Variants in INPP5D observed in about 807,000 individuals in gnomAD.
INPP5D encodes inositol polyphosphate-5-phosphatase D.
INPP5D carries 33 observed loss-of-function variants against 122.9 expected under a neutral mutation model. The ratio of observed to expected loss-of-function variants is 0.27; its 90% CI spans 0.20 to 0.36. The LOEUF (loss-of-function observed/expected upper bound fraction) is 0.36. Ranked by LOEUF, INPP5D falls within the 10% of genes least tolerant of loss-of-function variation. The pLI, the probability that INPP5D is intolerant of heterozygous loss-of-function variation, is 1.00. For missense variants in INPP5D, 1,053 were observed against 1,412.7 expected (o/e 0.75, Z 4.08); for synonymous variants, 584 against 576.2 (o/e 1.01, Z -0.19).
chr2:233,068,585 A>C (rs1435593529), intron 1 of INPP5D, among the ~76,000 whole-genome samples: 1 of 150,990 alleles, frequency 6.6e-6, no homozygotes, highest in African/African-American at 2.5e-5. Context: ...ACAGAGCTAG[A>C]ATCCGTCTAA....
At chr2:233,171,333 T>C in intron 17 of INPP5D, 181 bp downstream of exon 17, 1 of 831,402 alleles carries the variant, frequency 1.2e-6, no homozygotes, top group Non-Finnish European at 1.8e-6. Flanking sequence ...TGTGCACTGC[T>C]TTGAGCTGGG....
In INPP5D at chr2:233,128,589, C is replaced by CG. The variant is rs1693231821; in HGVS notation, c.525-1918dup. ...ACCTCCTGGGTTCAAGCAATCCTCC[C>CG]GCCTCAGCCTCCTGAGTAGCTGGGA... On this transcript the variant is annotated intron_variant, in intron 4 of 26. Coordinates refer to ENST00000445964, the MANE Select transcript of INPP5D (RefSeq NM_001017915.3). This position sits in a 1 kb window ranked among gnomAD's most constrained non-coding sequence, Gnocchi z 4.5. Among the ~76,000 whole-genome samples the CG allele has an allele frequency of 6.6e-6, 1 of 152,078 alleles. No homozygotes were observed. Among genetic ancestry groups the CG allele is most frequent in the Non-Finnish European group, 1.5e-5 (1 of 67,998 alleles).
intron 2 of INPP5D, among the ~76,000 whole-genome samples, chr2:233,111,468 C>T (rs1479326691): frequency 6.6e-6 from 1 of 152,190 alleles, no homozygotes; most frequent in Non-Finnish European, 1.5e-5. Flanking sequence ...TAATTGGGCA[C>T]AGTTCCTTGC....
At chr2:233,118,974 A>G (rs1296146566) in intron 2 of INPP5D, among the ~76,000 whole-genome samples, 1 of 152,032 alleles carries the variant, frequency 6.6e-6, no homozygotes, top group Non-Finnish European at 1.5e-5. Flanking sequence ...CCGGGTCCAC[A>G]GGGACTCCTT....
rs546294517 is a variant in INPP5D at position 233,110,297 on chromosome 2, C to T, written c.199-11810C>T. On this transcript the variant is annotated intron_variant, in intron 2 of 26. Transcript: ENST00000445964. ...CTTGAACTCCTGGCCTCAAATGATTCACTGGCCTCGGCCTCCCAAAGTGCT... is the reference window on the plus strand; with the variant it reads ...CTTGAACTCCTGGCCTCAAATGATTTACTGGCCTCGGCCTCCCAAAGTGCT... 7.1e-4 allele frequency among the ~76,000 whole-genome samples: 108 copies of T among 152,144 alleles called. 1 individual carries two copies. Among genetic ancestry groups the T allele is most frequent in the Non-Finnish European group, 1.1e-3 (73 of 67,992 alleles).
At position 233,078,445 on chromosome 2, in the gene INPP5D, G is replaced by A. The variant is rs187781138; in HGVS notation, c.135-890G>A. Among the ~76,000 whole-genome samples the A allele has an allele frequency of 1.2e-3, 183 of 152,302 alleles. 1 individual carries two copies. The highest frequency in any genetic ancestry group is 2.1e-3 in the Non-Finnish European group (142 of 68,014). ...AGCTGCTGGGGCAAATCCAGGTCTC[G>A]GCAAGGCTGGTGGCCAACCCCTGGG... is the stretch of plus-strand genomic sequence containing the variant. On this transcript the variant is annotated intron_variant, in intron 1 of 26. Transcript: ENST00000445964. The surrounding 1 kb of genome is among the most constrained non-coding windows in gnomAD (Gnocchi z 4.6).
At chr2:233,186,529 G>A (rs924711311) in intron 21 of INPP5D, among the ~76,000 whole-genome samples, 2 of 151,906 alleles carry the variant, frequency 1.3e-5, no homozygotes, top group African/African-American at 4.8e-5. Context: ...CTGGCCTGGT[G>A]TGGTGGCTCA....
chr2:233,170,626 G>A lies in INPP5D; in HGVS notation c.1900+22G>A, dbSNP rs190647665. ...TTCGGTAAGAGCAGCAACCCCGGCT[G>A]GGAGCGGTGGCTCACACCTGTAATC... On this transcript the variant is annotated intron_variant, in intron 16 of 26. Transcript: ENST00000445964. The surrounding 1 kb of genome is among the most constrained non-coding windows in gnomAD (Gnocchi z 4.5). 9.6e-3 allele frequency: 15,460 copies of A among 1,610,468 alleles called. 109 individuals carry two copies. Among genetic ancestry groups the A allele is most frequent in the Non-Finnish European group, 0.012 (14,272 of 1,178,382 alleles).
chr2:233,200,125 C>T (rs1467118933), intron 25 of INPP5D, among the ~76,000 whole-genome samples: 2 of 152,244 alleles, frequency 1.3e-5, no homozygotes, highest in Non-Finnish European at 2.9e-5. Context: ...GTGGAGAAAA[C>T]TGATCTGAGT....
chr2:233,204,041 A>G, intron 25 of INPP5D, 85 bp from the exon 26 acceptor site: 1 of 1,432,324 alleles, frequency 7.0e-7, no homozygotes, highest in East Asian at 2.6e-5. Flanking sequence ...ATCACCCCAA[A>G]GAAAGACCCA....
At position 233,078,319 on chromosome 2, in the gene INPP5D, A is replaced by G. The variant is rs543753425; in HGVS notation, c.135-1016A>G. On this transcript the variant is annotated intron_variant, in intron 1 of 26. Transcript: ENST00000445964. The surrounding 1 kb of genome is among the most constrained non-coding windows in gnomAD (Gnocchi z 4.6). ...AAAAGTACCTTCTCCTCCTCACATTAGAGATGACTGTGCCAAAGGAAGGTA... is the reference window on the plus strand; with the variant it reads ...AAAAGTACCTTCTCCTCCTCACATTGGAGATGACTGTGCCAAAGGAAGGTA... Among the ~76,000 whole-genome samples, 5 of 152,358 alleles carry G rather than the reference A, an allele frequency of 3.3e-5. No homozygotes were observed. The East Asian group carries it at 5.8e-4, about 18-fold the overall frequency.
intron 2 of INPP5D, among the ~76,000 whole-genome samples, chr2:233,087,127 C>T (rs537134758): frequency 2.0e-4 from 31 of 152,190 alleles, no homozygotes; most frequent in African/African-American, 5.5e-4. Context: ...GATCAGCTTC[C>T]GGGTCTAATT....
At chr2:233,117,620 C>CGG (rs200881877) in intron 2 of INPP5D, among the ~76,000 whole-genome samples, 1 of 152,008 alleles carries the variant, frequency 6.6e-6, no homozygotes, top group Non-Finnish European at 1.5e-5. Flanking sequence ...ACTATGAGTT[C>CGG]GGGGGGGCTG....
chr2:233,154,920 A>G lies in INPP5D; in HGVS notation c.1031-3393A>G, dbSNP rs186635158. On this transcript the variant is annotated intron_variant, in intron 9 of 26. Coordinates refer to ENST00000445964, the MANE Select transcript of INPP5D (RefSeq NM_001017915.3). ...TAAGGGCACTGGCTTTTGATATTTA[A>G]CTTAACCACTCAGTCAGTACTGAAA... Among the ~76,000 whole-genome samples the G allele has an allele frequency of 1.1e-3, 165 of 152,326 alleles. No homozygotes were observed. The Middle Eastern group carries it at 0.024, about 22-fold the overall frequency.
At chr2:233,071,947 C>T (rs758925609) in intron 1 of INPP5D, among the ~76,000 whole-genome samples, 1 of 152,198 alleles carries the variant, frequency 6.6e-6, no homozygotes, top group Non-Finnish European at 1.5e-5. Flanking sequence ...GTGTCATCTA[C>T]AAATTACCAT....
intron 25 of INPP5D, among the ~76,000 whole-genome samples, chr2:233,202,273 G>A (rs1695359869): frequency 1.3e-5 from 2 of 152,214 alleles, no homozygotes; most frequent in Admixed American, 1.3e-4. Context: ...CTCTTCCCTT[G>A]GCTAACTCAC....
At chr2:233,065,687 C>T (rs555758198) in intron 1 of INPP5D, among the ~76,000 whole-genome samples, 2 of 149,348 alleles carry the variant, frequency 1.3e-5, no homozygotes, top group African/African-American at 4.9e-5. Context: ...CGCTCTGTCG[C>T]CCAGGCTAAA....
In INPP5D at chr2:233,177,482, C is replaced by A. The variant is rs113456832; in HGVS notation, c.2071+136C>A. 3.5e-6 allele frequency: 5 copies of A among 1,423,714 alleles called. No homozygotes were observed. Among genetic ancestry groups the A allele is most frequent in the Middle Eastern group, 1.8e-4 (1 of 5,488 alleles). The allele number at this position is 1,423,714 out of a possible 1,614,324, so 88.2% of individuals were successfully genotyped here. ...GGAATTCACTGTAACCCTAATCAGG[C>A]GACCTGGAAATGTTGATGCTTCCCT... On this transcript the variant is annotated intron_variant, in intron 18 of 26. Transcript: ENST00000445964. The surrounding 1 kb of genome is among the most constrained non-coding windows in gnomAD (Gnocchi z 4.2).
chr2:233,165,989 A>G (rs1001120609), intron 13 of INPP5D, among the ~76,000 whole-genome samples: 1 of 152,022 alleles, frequency 6.6e-6, no homozygotes. Context: ...AGTCCCAGAG[A>G]TAACAGGAAA....
Sources: allele counts gnomAD v4.1 joint callset (sites outside exome capture counted in the v4.1 genomes callset), GRCh38; gene constraint gnomAD v4.1.1; non-coding constraint Gnocchi (gnomAD v3.1); transcripts MANE v1.5; gene names NCBI Gene and HGNC (gene_info 2026-07-23, HGNC 2026-07-21).